PGF: variants seen among roughly 807,000 people sequenced by gnomAD.
PGF encodes the protein placenta growth factor.
A neutral mutation model predicts 25.3 loss-of-function variants in PGF; 11 were observed. The ratio of observed to expected loss-of-function variants is 0.43; its 90% CI spans 0.27 to 0.72. The LOEUF (loss-of-function observed/expected upper bound fraction) is 0.72. PGF is among the 30% of genes least tolerant of loss of function. PGF has a pLI of 0.18. For missense variants in PGF, 230 were observed against 234.9 expected, an observed-to-expected ratio of 0.98 and a Z score of 0.14; for synonymous variants, 105 against 97.9, an observed-to-expected ratio of 1.07 and a Z score of -0.43.
At chr14:74,954,402 G>A (rs927332572) in intron 1 of PGF, among the ~76,000 whole-genome samples, 3 of 152,110 alleles carry the variant, frequency 2.0e-5, no homozygotes, top group African/African-American at 7.2e-5. Context: ...CCTCTGGCCA[G>A]CCCTGCAGCA....
intron 6 of PGF, among the ~76,000 whole-genome samples, chr14:74,944,257 C>T (rs181066220): frequency 8.5e-4 from 130 of 152,064 alleles, no homozygotes; most frequent in African/African-American, 2.4e-3. Context: ...CACCCACCAC[C>T]ACACCCGGCT....
chr14:74,954,235 CG>C, intron 1 of PGF: 1 of 451,768 alleles, frequency 2.2e-6, no homozygotes, highest in Admixed American at 3.3e-5. Flanking sequence ...TCCAATCCTG[CG>C]GGTCTGCCTT....
chr14:74,946,305 G>T (rs1888732555), intron 5 of PGF, 30 bp from the exon 6 acceptor site: 1 of 1,613,972 alleles, frequency 6.2e-7, no homozygotes, highest in African/African-American at 1.3e-5. Flanking sequence ...AGGACAAGGT[G>T]GCTGGGGAAC....
In PGF at chr14:74,946,502, A is replaced by T. The variant is rs965803269; in HGVS notation, c.393-94T>A. 6 of 1,261,242 alleles carry T rather than the reference A, an allele frequency of 4.8e-6. No individual in the cohort carries two copies. The African/African-American group carries it at 9.0e-5, about 19-fold the overall frequency. The allele number at this position is 1,261,242 out of a possible 1,614,324, so 78.1% of individuals were successfully genotyped here. ...CGGACAGGTCCCCTCCGACATCCCC[A>T]GTCCTGGTCCTGCAGCTGACACTGA... On this transcript the variant is annotated intron_variant, in intron 4 of 6. Transcript: ENST00000555567.
chr14:74,946,155 A>T (rs1888726779), intron 6 of PGF, 58 bp downstream of exon 6: 1 of 1,541,782 alleles, frequency 6.5e-7, no homozygotes, highest in Non-Finnish European at 9.0e-7. Context: ...CCTGGCGGCA[A>T]GGCGGGGCTC....
At position 74,942,580 on chromosome 14, in the gene PGF, C is replaced by T. The variant is rs8017577; in HGVS notation, c.*126G>A. 0.016 allele frequency: 14,101 copies of T among 904,436 alleles called. 706 individuals are homozygous for T. Among genetic ancestry groups the T allele is most frequent in the African/African-American group, 0.15 (8,844 of 59,970 alleles). The allele number at this position is 904,436 out of a possible 1,614,324, so 56.0% of individuals were successfully genotyped here. ...TCCCTGCCCCTCGTCTTGAAGGGAG[C>T]GAGGCATTCAGCAGGGAAACAGTTG... On this transcript the variant is annotated 3_prime_UTR_variant, in exon 7 of 7. Coordinates refer to ENST00000555567, the MANE Select transcript of PGF (RefSeq NM_002632.6).
chr14:74,948,218 G>A (rs781025661), intron 4 of PGF: 3 of 318,032 alleles, frequency 9.4e-6, no homozygotes, highest in Non-Finnish European at 1.7e-5. Flanking sequence ...GACACGCACC[G>A]AACCCCTGCG....
Position 74,942,492 on chromosome 14 carries a change from G to C in PGF, c.*214C>G, listed in dbSNP as rs1888624099. The stretch of plus-strand genomic sequence containing the variant: ...TCAAAGCGGAAGCTCCCAGGGGTCT[G>C]TGGCTGGCTTCTCTCTTTCTCTCAC... On this transcript the variant is annotated 3_prime_UTR_variant, in exon 7 of 7. Coordinates refer to ENST00000555567, the MANE Select transcript of PGF (RefSeq NM_002632.6). 1.4e-5 allele frequency: 8 copies of C among 586,376 alleles called. No homozygotes were observed. In the South Asian group the frequency reaches 1.6e-4, roughly 11 times the overall value. 36.3% of individuals were successfully genotyped at this position (586,376 alleles called of 1,614,324 possible).
rs1264821854 is a variant in PGF, at chr14:74,950,955, T to TA, written c.119-1403_119-1402insT. ...CAACCCCTCATTTCTTCCATGCCTC[T>TA]GCCTAGGAGGCAGAAGGGGCCAAAG... On this transcript the variant is annotated intron_variant, in intron 2 of 6. Coordinates refer to ENST00000555567, the MANE Select transcript of PGF (RefSeq NM_002632.6). The surrounding 1 kb of genome is among the most constrained non-coding windows in gnomAD (Gnocchi z 4.1). 6.6e-6 allele frequency among the ~76,000 whole-genome samples: 1 copy of TA among 152,196 alleles called. No homozygotes were observed. The highest frequency in any genetic ancestry group is 1.5e-5 in the Non-Finnish European group (1 of 68,032).
At position 74,942,592 on chromosome 14, in the gene PGF, C is replaced by T; in HGVS notation, c.*114G>A. On this transcript the variant is annotated 3_prime_UTR_variant, in exon 7 of 7. Coordinates refer to ENST00000555567, the MANE Select transcript of PGF (RefSeq NM_002632.6). ...GTCTTGAAGGGAGCGAGGCATTCAG[C>T]AGGGAAACAGTTGGCTAATAAATAG... is the stretch of plus-strand genomic sequence containing the variant. 9.7e-7 allele frequency: 1 copy of T among 1,031,332 alleles called. No homozygotes were observed. The highest frequency in any genetic ancestry group is 1.5e-6 in the Non-Finnish European group (1 of 672,318). The allele number at this position is 1,031,332 out of a possible 1,614,324, so 63.9% of individuals were successfully genotyped here.
At position 74,949,392 on chromosome 14, in the gene PGF, A is replaced by G; in HGVS notation, c.280T>C (p.Cys94Arg). The change falls in exon 3 of 7, where the codon TGT (cysteine) becomes CGT (arginine). Residue 94 changes from cysteine (C) to arginine (R), a missense_variant. Physicochemically the swap from Cys to Arg is radical, Grantham distance 180 (BLOSUM62 -3). Coordinates refer to ENST00000555567, the MANE Select transcript of PGF (RefSeq NM_002632.6). ...TGCCGDENLH[C>R]VPVETANVTM... ...ACATTGGCCGTCTCCACCGGCACACAGTGCAGATTCTCATCGCCGCAGCAG... is the reference window on the plus strand; with the variant it reads ...ACATTGGCCGTCTCCACCGGCACACGGTGCAGATTCTCATCGCCGCAGCAG... 2 of 1,595,314 alleles carry G rather than the reference A, an allele frequency of 1.3e-6. No homozygotes were observed. The highest frequency in any genetic ancestry group is 1.1e-5 in the South Asian group (1 of 88,684).
chr14:74,943,651 GT>G (rs1212713591), intron 6 of PGF, among the ~76,000 whole-genome samples: 1 of 152,180 alleles, frequency 6.6e-6, no homozygotes, highest in Non-Finnish European at 1.5e-5. Context: ...GCAGAATCCT[GT>G]CTCAGTCTGG....
chr14:74,947,995 T>G (rs1594986503), intron 4 of PGF: 1 of 152,588 alleles, frequency 6.6e-6, no homozygotes, highest in Admixed American at 6.5e-5. Flanking sequence ...CGTAGAGGGG[T>G]GCTGCAACAT....
chr14:74,943,817 C>T (rs1324622941), intron 6 of PGF, among the ~76,000 whole-genome samples: 3 of 152,032 alleles, frequency 2.0e-5, no homozygotes, highest in Non-Finnish European at 4.4e-5. Flanking sequence ...CCAAATGGTG[C>T]TACTAAGAAT....
intron 3 of PGF, among the ~76,000 whole-genome samples, 174 bp downstream of exon 3, chr14:74,949,183 G>A (rs1888813135): frequency 6.6e-6 from 1 of 152,204 alleles, no homozygotes; most frequent in African/African-American, 2.4e-5. Flanking sequence ...GGGTGGAGAT[G>A]AGTGGGCTCA....
At position 74,954,119 on chromosome 14, in the gene PGF, G is replaced by A; in HGVS notation, c.76-173C>T. On this transcript the variant is annotated intron_variant, in intron 1 of 6. Coordinates refer to ENST00000555567, the MANE Select transcript of PGF (RefSeq NM_002632.6). Reference sequence around the variant, plus strand: ...ACCACTAAAAACTCACTGGACCCTGGGTAGGTTAGGTCCCACCCCTCTCTG... The same window carrying A: ...ACCACTAAAAACTCACTGGACCCTGAGTAGGTTAGGTCCCACCCCTCTCTG... 1.1e-5 allele frequency: 7 copies of A among 632,546 alleles called. No individual in the cohort carries two copies. In the South Asian group the frequency reaches 1.3e-4, roughly 12 times the overall value. 39.2% of individuals were successfully genotyped at this position (632,546 alleles called of 1,614,324 possible). A position where few individuals can be genotyped will look rare whatever the true frequency, so the allele number is the denominator to read the frequency against.
intron 4 of PGF, chr14:74,946,859 A>C: frequency 1.3e-6 from 1 of 760,996 alleles, no homozygotes. Context: ...CCGGAACAAC[A>C]TGGGGAGTGA....
At position 74,946,027 on chromosome 14, in the gene PGF, G is replaced by A. The variant is rs185457500; in HGVS notation, c.485+186C>T. The A allele has an allele frequency of 1.3e-4, 78 of 594,762 alleles. 1 individual carries two copies. The East Asian group carries it at 1.9e-3, about 14-fold the overall frequency. The allele number at this position is 594,762 out of a possible 1,614,324, so 36.8% of individuals were successfully genotyped here. ...GTCAATGGAAACCTAGGGCTAAGCC[G>A]GGACAAAAACCAAGGTCCACTGATG... On this transcript the variant is annotated intron_variant, in intron 6 of 6. Transcript: ENST00000555567.
In PGF at chr14:74,953,777, A is replaced by C; in HGVS notation, c.118+127T>G. On this transcript the variant is annotated intron_variant, in intron 2 of 6. Coordinates refer to ENST00000555567, the MANE Select transcript of PGF (RefSeq NM_002632.6). This position sits in a 1 kb window ranked among gnomAD's most constrained non-coding sequence, Gnocchi z 5.4. ...GGCCCTGCCAAAGTCATCACCCAGC[A>C]TGTCTAGCTTGTAGGCTCTCCCCAG... 1.1e-6 allele frequency: 1 copy of C among 931,760 alleles called. No homozygotes were observed. The highest frequency in any genetic ancestry group is 1.8e-6 in the Non-Finnish European group (1 of 565,046). The allele number at this position is 931,760 out of a possible 1,614,324, so 57.7% of individuals were successfully genotyped here. A position where few individuals can be genotyped will look rare whatever the true frequency, so the allele number is the denominator to read the frequency against.
Sources: gnomAD v4.1 joint callset for allele counts (sites outside exome capture counted in the v4.1 genomes callset) on GRCh38, gnomAD v4.1.1 for gene constraint, Gnocchi (gnomAD v3.1) non-coding constraint, MANE v1.5 for transcripts, NCBI Gene and HGNC (gene_info 2026-07-23, HGNC 2026-07-21) for gene names.